TRARG1: variants seen among roughly 807,000 people sequenced by gnomAD.
The protein encoded by TRARG1 is trafficking regulator of GLUT4 (SLC2A4) 1 (gene/pseudogene).
TRARG1 carries 16 observed loss-of-function variants against 13.3 expected under a neutral mutation model. The ratio of observed to expected loss-of-function variants is 1.20; its 90% CI spans 0.81 to 1.83. The LOEUF (loss-of-function observed/expected upper bound fraction) is 1.83, where lower values mean the gene tolerates loss of function less well. TRARG1 is among the 40% of genes most tolerant of loss of function. TRARG1 has a pLI of 0.00. For synonymous variants in TRARG1, 113 were observed against 106.2 expected, an observed-to-expected ratio of 1.06 and a Z score of -0.39; for missense variants, 250 against 237.4, an observed-to-expected ratio of 1.05 and a Z score of -0.35.
chr17:1,298,171 A>G (rs1262607156), intron 2 of TRARG1, 80 bp from the exon 3 acceptor site: 21 of 1,589,946 alleles, frequency 1.3e-5, no homozygotes, highest in Non-Finnish European at 1.6e-5. Flanking sequence ...GGGAACCAGA[A>G]ACCCAAATCC....
intron 1 of TRARG1, among the ~76,000 whole-genome samples, chr17:1,284,214 CACTCATCTCCTTTCTG>C (rs1432615072): frequency 6.6e-6 from 1 of 152,178 alleles, no homozygotes; most frequent in Non-Finnish European, 1.5e-5. Flanking sequence ...CCTGAGCAAC[CACTCATCTCCTTTCTG>C]TTTCTCTAGA....
At chr17:1,281,588 G>A (rs1221039174) in intron 1 of TRARG1, among the ~76,000 whole-genome samples, 1 of 152,134 alleles carries the variant, frequency 6.6e-6, no homozygotes, top group Non-Finnish European at 1.5e-5. Context: ...GAGGGACTTG[G>A]CATGGGCTGT....
At position 1,282,224 on chromosome 17, in the gene TRARG1, GCGTATATGTA is replaced by G. The variant is rs1280787962; in HGVS notation, c.387+1845_387+1854del. On this transcript the variant is annotated intron_variant, in intron 1 of 2. Coordinates refer to ENST00000333813, the MANE Select transcript of TRARG1 (RefSeq NM_172367.3). ...CGTGCGTATATGTACGTATACACGT[GCGTATATGTA>G]CGTATATGCACGTATATGTACGTAT... Among the ~76,000 whole-genome samples the G allele has an allele frequency of 1.4e-4, 16 of 115,610 alleles. 1 individual carries two copies. Among genetic ancestry groups the G allele is most frequent in the African/African-American group, 5.3e-4 (15 of 28,106 alleles). 75.8% of individuals were successfully genotyped at this position (115,610 alleles called of 152,430 possible).
intron 1 of TRARG1, among the ~76,000 whole-genome samples, chr17:1,286,729 C>T (rs1446538414): frequency 4.0e-5 from 4 of 99,326 alleles, no homozygotes; most frequent in Admixed American, 1.2e-4. Context: ...TTTCGGCCTG[C>T]GGGTGTTGTT....
chr17:1,287,000 C>T (rs1196793376), intron 1 of TRARG1, among the ~76,000 whole-genome samples: 2 of 151,884 alleles, frequency 1.3e-5, no homozygotes, highest in East Asian at 1.9e-4. Context: ...GAGGAGGATG[C>T]TGGTGAGGTG....
intron 1 of TRARG1, among the ~76,000 whole-genome samples, chr17:1,286,801 C>G (rs1175906336): frequency 4.2e-5 from 4 of 95,758 alleles, no homozygotes; most frequent in Non-Finnish European, 8.4e-5. Context: ...GTTATCAGCC[C>G]GTGGGGTGTT....
In TRARG1 at chr17:1,282,196, ACACG is replaced by A. The variant is rs1567928110; in HGVS notation, c.387+1809_387+1812del. On this transcript the variant is annotated intron_variant, in intron 1 of 2. Transcript: ENST00000333813. The stretch of plus-strand genomic sequence containing the variant: ...TATACACGTGCGTATATGTACGTGT[ACACG>A]TGCGTATATGTACGTATACACGTGC... Among the ~76,000 whole-genome samples the A allele has an allele frequency of 2.1e-3, 305 of 146,450 alleles. 18 individuals are homozygous for A. Among genetic ancestry groups the A allele is most frequent in the African/African-American group, 7.0e-3 (263 of 37,358 alleles).
Position 1,298,595 on chromosome 17 carries a change from G to A in TRARG1, c.*331G>A, listed in dbSNP as rs2072129597. 2.9e-6 allele frequency: 1 copy of A among 346,440 alleles called. No individual in the cohort carries two copies. The highest frequency in any genetic ancestry group is 5.2e-6 in the Non-Finnish European group (1 of 192,550). 21.5% of individuals were successfully genotyped at this position (346,440 alleles called of 1,614,324 possible). On this transcript the variant is annotated 3_prime_UTR_variant, in exon 3 of 3. Transcript: ENST00000333813. ...ACCAAGCAGCGAAAACTGCCAGGATGAATGAGGAAAAAACCCAGCCCCACA... is the reference window on the plus strand; with the variant it reads ...ACCAAGCAGCGAAAACTGCCAGGATAAATGAGGAAAAAACCCAGCCCCACA...
chr17:1,294,274 A>G (rs2072094896), intron 1 of TRARG1, among the ~76,000 whole-genome samples: 1 of 152,060 alleles, frequency 6.6e-6, no homozygotes, highest in Non-Finnish European at 1.5e-5. Context: ...CCGTTGAACT[A>G]GGTTCAGGAA....
In TRARG1 at chr17:1,291,790, G is replaced by A. The variant is rs2072071195; in HGVS notation, c.388-3701G>A. ...TTGGAGCCACCCCTTGAAGGATGGA[G>A]GGATTTGGACATATGGTGCTTTGGA... is the stretch of plus-strand genomic sequence containing the variant. On this transcript the variant is annotated intron_variant, in intron 1 of 2. Transcript: ENST00000333813. Among the ~76,000 whole-genome samples the A allele has an allele frequency of 2.6e-5, 4 of 152,200 alleles. No homozygotes were observed. In the South Asian group the frequency reaches 8.3e-4, roughly 32 times the overall value.
intron 1 of TRARG1, among the ~76,000 whole-genome samples, chr17:1,282,065 T>TACACATATACAC (rs1404741411): frequency 1.8e-4 from 27 of 149,870 alleles, no homozygotes; most frequent in African/African-American, 6.4e-4. Context: ...TGTACATGTA[T>TACACATATACAC]ACACATATAT....
At chr17:1,286,723 G>A (rs1235225202) in intron 1 of TRARG1, among the ~76,000 whole-genome samples, 17 of 132,350 alleles carry the variant, frequency 1.3e-4, no homozygotes, top group Admixed American at 4.6e-4. Flanking sequence ...TGTTGTTTTC[G>A]GCCTGCGGGT....
chr17:1,288,657 T>C (rs1190191502), intron 1 of TRARG1, among the ~76,000 whole-genome samples: 2 of 9,722 alleles, frequency 2.1e-4, no homozygotes, highest in Admixed American at 1.3e-3. Context: ...CCCTCCAGCT[T>C]CTCATCCCCC....
chr17:1,285,778 C>G (rs1008113444), intron 1 of TRARG1, among the ~76,000 whole-genome samples: 9 of 149,614 alleles, frequency 6.0e-5, no homozygotes, highest in Non-Finnish European at 1.2e-4. Context: ...AAACTGGAGC[C>G]ACATCAGAGA....
At chr17:1,285,620 G>A (rs560513284) in intron 1 of TRARG1, among the ~76,000 whole-genome samples, 7 of 152,050 alleles carry the variant, frequency 4.6e-5, no homozygotes, top group Non-Finnish European at 2.9e-5. Flanking sequence ...CAGGAGAATC[G>A]CTTGAACCAG....
chr17:1,281,278 G>T (rs1026321263), intron 1 of TRARG1, among the ~76,000 whole-genome samples: 3 of 152,126 alleles, frequency 2.0e-5, no homozygotes, highest in Admixed American at 6.6e-5. Flanking sequence ...TGGGGAGAGG[G>T]AGAAGCAGGG....
Position 1,298,580 on chromosome 17 carries a change from G to T in TRARG1, c.*316G>T, listed in dbSNP as rs921899128. The T allele has an allele frequency of 5.4e-6, 2 of 367,856 alleles. No individual in the cohort carries two copies. Among genetic ancestry groups the T allele is most frequent in the Non-Finnish European group, 9.7e-6 (2 of 205,882 alleles). The allele number at this position is 367,856 out of a possible 1,614,324, so 22.8% of individuals were successfully genotyped here. A position where few individuals can be genotyped will look rare whatever the true frequency, so the allele number is the denominator to read the frequency against. ...AATTTCCTGGGTTCCACCAAGCAGCGAAAACTGCCAGGATGAATGAGGAAA... is the reference window on the plus strand; with the variant it reads ...AATTTCCTGGGTTCCACCAAGCAGCTAAAACTGCCAGGATGAATGAGGAAA... On this transcript the variant is annotated 3_prime_UTR_variant, in exon 3 of 3. Transcript: ENST00000333813.
At chr17:1,286,332 T>G (rs1480569114) in intron 1 of TRARG1, among the ~76,000 whole-genome samples, 1 of 151,894 alleles carries the variant, frequency 6.6e-6, no homozygotes, top group Non-Finnish European at 1.5e-5. Context: ...ACCACAGATG[T>G]GGGGTGTTGT....
chr17:1,294,359 TCC>T (rs2072095527), intron 1 of TRARG1, among the ~76,000 whole-genome samples: 1 of 151,920 alleles, frequency 6.6e-6, no homozygotes, highest in Non-Finnish European at 1.5e-5. Context: ...AGTCCTGGTC[TCC>T]CCAGGCAACC....
Sources: allele counts gnomAD v4.1 joint callset (sites outside exome capture counted in the v4.1 genomes callset), GRCh38; gene constraint gnomAD v4.1.1; transcripts MANE v1.5; gene names NCBI Gene and HGNC (gene_info 2026-07-23, HGNC 2026-07-21).